CIMAP3: variants seen among roughly 807,000 people sequenced by gnomAD.
The protein encoded by CIMAP3 is ciliary microtubule-associated protein 3.
the CIMAP3 span, among the ~76,000 whole-genome samples, chr1:111,342,375 C>A: frequency 5.4e-4 from 82 of 152,348 alleles, no homozygotes; most frequent in African/African-American, 1.9e-3. Flanking sequence ...CAGGCCTTGC[C>A]TTCCTGGTCC....
At chr1:111,352,901 A>G in the CIMAP3 span, 1 of 152,220 alleles carries the variant, frequency 6.6e-6, no homozygotes, top group East Asian at 1.9e-4. Context: ...AACTCTCTAA[A>G]ATAGTAATCT....
chr1:111,343,888 T>C, the CIMAP3 span, among the ~76,000 whole-genome samples: 1 of 152,242 alleles, frequency 6.6e-6, no homozygotes, highest in African/African-American at 2.4e-5. Context: ...CTTTTTCTTT[T>C]AGGCTCTTAC....
chr1:111,347,151 A>T, the CIMAP3 span: 1 of 1,334,382 alleles, frequency 7.5e-7, no homozygotes, highest in Non-Finnish European at 1.0e-6. Context: ...GGGACTTGAG[A>T]TCTCCAGAGT....
the CIMAP3 span, chr1:111,347,872 C>G: frequency 1.2e-6 from 1 of 813,746 alleles, no homozygotes; most frequent in South Asian, 1.8e-5. Flanking sequence ...AAAGAATATG[C>G]CCTGAAATTA....
chr1:111,338,650 C>A, the CIMAP3 span, among the ~76,000 whole-genome samples: 1 of 152,038 alleles, frequency 6.6e-6, no homozygotes, highest in Non-Finnish European at 1.5e-5. Context: ...CGAGACTAAA[C>A]CAGGAAGAAG....
At chr1:111,346,499 C>T in the CIMAP3 span, 1 of 1,152,650 alleles carries the variant, frequency 8.7e-7, no homozygotes, top group Non-Finnish European at 1.2e-6. Context: ...GGTGCGGGTT[C>T]CTGCCCCAGT....
At chr1:111,337,263 T>C in the CIMAP3 span, among the ~76,000 whole-genome samples, 14 of 152,244 alleles carry the variant, frequency 9.2e-5, no homozygotes, top group African/African-American at 3.1e-4. Flanking sequence ...GTAAAGACCA[T>C]TGAGACTAGG....
At chr1:111,340,309 G>A in the CIMAP3 span, among the ~76,000 whole-genome samples, 1 of 147,428 alleles carries the variant, frequency 6.8e-6, no homozygotes, top group Non-Finnish European at 1.5e-5. Context: ...AGGACTTCAT[G>A]TCTAAAACAC....
the CIMAP3 span, among the ~76,000 whole-genome samples, chr1:111,329,483 A>G: frequency 5.6e-5 from 8 of 142,034 alleles, no homozygotes; most frequent in African/African-American, 7.8e-5. Context: ...AGGGATGCCA[A>G]TGATTCATAA....
chr1:111,350,862 C>T, the CIMAP3 span, among the ~76,000 whole-genome samples: 1 of 152,208 alleles, frequency 6.6e-6, no homozygotes, highest in Admixed American at 6.5e-5. Context: ...TGTTAGCTAT[C>T]ATAATTCCAG....
the CIMAP3 span, chr1:111,347,627 T>TTTTTTTTTTTTTTGGTGGTTTTG: frequency 8.4e-7 from 1 of 1,183,976 alleles, no homozygotes; most frequent in East Asian, 2.4e-5. Flanking sequence ...TCTTTCTTTT[T>TTTTTTTTTTTTTTGGTGGTTTTG]TTTTTTTTTT....
the CIMAP3 span, among the ~76,000 whole-genome samples, chr1:111,337,057 A>G: frequency 6.6e-6 from 1 of 152,194 alleles, no homozygotes; most frequent in African/African-American, 2.4e-5. Flanking sequence ...ATTCTTACAG[A>G]AAAGAATTTT....
At chr1:111,337,929 T>C in the CIMAP3 span, among the ~76,000 whole-genome samples, 2 of 150,138 alleles carry the variant, frequency 1.3e-5, no homozygotes, top group South Asian at 4.3e-4. Flanking sequence ...ATTCCAAAAT[T>C]GACCACATAG....
At chr1:111,326,920 C>T in the CIMAP3 span, among the ~76,000 whole-genome samples, 1 of 152,002 alleles carries the variant, frequency 6.6e-6, no homozygotes, top group East Asian at 1.9e-4. Flanking sequence ...TGCCTTTTGT[C>T]CAATTTTTAG....
chr1:111,351,446 G>A, the CIMAP3 span: 38 of 798,848 alleles, frequency 4.8e-5, no homozygotes, highest in Non-Finnish European at 6.8e-5. Context: ...TGGAGCCCAG[G>A]GAGGGACAGG....
chr1:111,340,043 A>G, the CIMAP3 span, among the ~76,000 whole-genome samples: 2 of 152,008 alleles, frequency 1.3e-5, no homozygotes, highest in African/African-American at 2.4e-5. Context: ...GCCCTCAGGA[A>G]TAACGTCGCA....
chr1:111,344,101 C>T, the CIMAP3 span, among the ~76,000 whole-genome samples: 8 of 152,136 alleles, frequency 5.3e-5, no homozygotes, highest in Non-Finnish European at 1.0e-4. Context: ...ATATCAAATG[C>T]CAAACATTTT....
chr1:111,347,685 G>C, the CIMAP3 span: 1 of 1,587,096 alleles, frequency 6.3e-7, no homozygotes, highest in East Asian at 2.3e-5. Flanking sequence ...GATATGGCTT[G>C]GCATACGACT....
chr1:111,348,451 G>A, the CIMAP3 span: 7 of 1,389,216 alleles, frequency 5.0e-6, no homozygotes, highest in Non-Finnish European at 5.7e-6. Flanking sequence ...TTTCTACCTG[G>A]AAGGCTTTAT....
Sources: gnomAD v4.1 joint callset for allele counts (sites outside exome capture counted in the v4.1 genomes callset) on GRCh38, gnomAD v4.1.1 for gene constraint, MANE v1.5 for transcripts, NCBI Gene and HGNC (gene_info 2026-07-23, HGNC 2026-07-21) for gene names.